The following CCSER1 variants were observed in gnomAD, a reference collection of about 807,000 sequenced individuals.
The protein encoded by CCSER1 is serine-rich coiled-coil domain-containing protein 1.
CCSER1 carries 41 observed loss-of-function variants against 82.0 expected under a neutral mutation model. The observed-to-expected ratio is 0.50, with a 90% CI of 0.39 to 0.65. The LOEUF (loss-of-function observed/expected upper bound fraction) is 0.65. CCSER1 is among the 30% of genes least tolerant of loss of function. The probability of loss-of-function intolerance (pLI) is 0.00; values close to 1 mark genes in which losing one functional copy is unlikely to be tolerated. For missense variants in CCSER1, 1,119 were observed against 1,064.2 expected, an observed-to-expected ratio of 1.05 and a Z score of -0.72; for synonymous variants, 414 against 383.9, an observed-to-expected ratio of 1.08 and a Z score of -0.92.
At chr4:90,953,360 A>G (rs1733115012) in intron 9 of CCSER1, among the ~76,000 whole-genome samples, 1 of 151,742 alleles carries the variant, frequency 6.6e-6, no homozygotes, top group South Asian at 2.1e-4. Context: ...TTATTTTAAC[A>G]AACATAAATT....
At chr4:91,043,329 C>T (rs575000763) in intron 9 of CCSER1, among the ~76,000 whole-genome samples, 3 of 152,018 alleles carry the variant, frequency 2.0e-5, no homozygotes, top group Non-Finnish European at 4.4e-5. Context: ...AAGTGAAAAA[C>T]TCTCCTCCTA....
chr4:90,850,140 T>G (rs1763694580), intron 8 of CCSER1, among the ~76,000 whole-genome samples: 2 of 152,222 alleles, frequency 1.3e-5, no homozygotes, highest in African/African-American at 4.8e-5. Flanking sequence ...CTTCACATAG[T>G]GTTGGGCCTG....
At chr4:90,128,518 C>T (rs79683700) in intron 1 of CCSER1, among the ~76,000 whole-genome samples, 123 of 102,964 alleles carry the variant, frequency 1.2e-3, no homozygotes, top group African/African-American at 1.4e-3. Context: ...TGTGTGTGTG[C>T]GCGCGCGCGC....
chr4:91,001,742 A>T (rs569130032), intron 9 of CCSER1, among the ~76,000 whole-genome samples: 2 of 152,108 alleles, frequency 1.3e-5, no homozygotes, highest in Non-Finnish European at 2.9e-5. Flanking sequence ...GAGCATTTAG[A>T]CCGTTTACAT....
At chr4:90,472,023 A>G (rs1050334396) in intron 5 of CCSER1, among the ~76,000 whole-genome samples, 16 of 152,096 alleles carry the variant, frequency 1.1e-4, no homozygotes, top group Non-Finnish European at 2.4e-4. Flanking sequence ...CCAATATAAT[A>G]CTAATGCTGA....
chr4:91,360,920 T>G (rs1023297969), intron 10 of CCSER1, among the ~76,000 whole-genome samples: 2 of 151,822 alleles, frequency 1.3e-5, no homozygotes, highest in Non-Finnish European at 2.9e-5. Context: ...ATTTTGAATA[T>G]GCCAGGAAGA....
intron 9 of CCSER1, among the ~76,000 whole-genome samples, chr4:91,015,894 T>A (rs1412006364): frequency 1.3e-5 from 2 of 151,988 alleles, no homozygotes; most frequent in African/African-American, 4.8e-5. Context: ...TTAGAACTAT[T>A]AAATATAAAA....
At chr4:91,162,170 C>A (rs1031857820) in intron 10 of CCSER1, among the ~76,000 whole-genome samples, 1 of 152,090 alleles carries the variant, frequency 6.6e-6, no homozygotes, top group South Asian at 2.1e-4. Context: ...AAGGCCTTTT[C>A]TGCATCTACT....
intron 8 of CCSER1, among the ~76,000 whole-genome samples, chr4:90,897,885 A>G (rs901627284): frequency 1.3e-5 from 2 of 152,000 alleles, no homozygotes; most frequent in Admixed American, 6.6e-5. Context: ...AGGTTTTTTC[A>G]TATGTTTGTT....
intron 4 of CCSER1, among the ~76,000 whole-genome samples, chr4:90,463,793 A>G (rs1763269383): frequency 6.6e-6 from 1 of 152,042 alleles, no homozygotes; most frequent in South Asian, 2.1e-4. Context: ...ACTTATAACT[A>G]CTCTAGGCAC....
At chr4:91,054,430 G>A (rs374266446) in intron 9 of CCSER1, among the ~76,000 whole-genome samples, 65 of 151,706 alleles carry the variant, frequency 4.3e-4, no homozygotes, top group African/African-American at 1.4e-3. Context: ...ATATCCTCTT[G>A]GTTTATTGAG....
chr4:90,483,021 G>C (rs1272546056), intron 5 of CCSER1, among the ~76,000 whole-genome samples: 1 of 152,060 alleles, frequency 6.6e-6, no homozygotes, highest in African/African-American at 2.4e-5. Context: ...CACTTTGTAG[G>C]TCACTAAGTA....
At chr4:91,272,952 G>T (rs1049708671) in intron 10 of CCSER1, among the ~76,000 whole-genome samples, 4 of 151,994 alleles carry the variant, frequency 2.6e-5, no homozygotes, top group African/African-American at 9.7e-5. Context: ...CCTTCCATCT[G>T]TGTGCCTATT....
intron 10 of CCSER1, among the ~76,000 whole-genome samples, chr4:91,296,467 GTATATATA>G (rs1179567431): frequency 8.0e-5 from 5 of 62,394 alleles, no homozygotes; most frequent in Non-Finnish European, 1.4e-4. Context: ...ATATATATAT[GTATATATA>G]TATATATATA....
chr4:90,709,506 G>T (rs1170685547), intron 6 of CCSER1, among the ~76,000 whole-genome samples: 1 of 151,886 alleles, frequency 6.6e-6, no homozygotes, highest in African/African-American at 2.4e-5. Flanking sequence ...CATCATTTAG[G>T]TCCCACTTAA....
chr4:90,239,702 C>T (rs946536555), intron 1 of CCSER1, among the ~76,000 whole-genome samples: 12 of 151,962 alleles, frequency 7.9e-5, no homozygotes, highest in East Asian at 1.9e-4. Context: ...TAATCTCGAA[C>T]GCCTGGTCTC....
At chr4:91,469,520 T>C (rs1401270985) in intron 10 of CCSER1, among the ~76,000 whole-genome samples, 2 of 152,192 alleles carry the variant, frequency 1.3e-5, no homozygotes, top group Non-Finnish European at 2.9e-5. Context: ...TTCCCCCTGT[T>C]ATCCTTCACA....
intron 1 of CCSER1, among the ~76,000 whole-genome samples, chr4:90,284,655 G>A (rs553637265): frequency 1.3e-5 from 2 of 151,388 alleles, no homozygotes; most frequent in East Asian, 4.0e-4. Context: ...CACCATGCCT[G>A]CCTAATTTTT....
chr4:91,219,234 T>C (rs566864668), intron 10 of CCSER1, among the ~76,000 whole-genome samples: 1 of 150,958 alleles, frequency 6.6e-6, no homozygotes, highest in East Asian at 2.0e-4. Flanking sequence ...ATGTGTCCAA[T>C]CTCACAGATG....
Sources: gnomAD v4.1 joint callset for allele counts (sites outside exome capture counted in the v4.1 genomes callset) on GRCh38, gnomAD v4.1.1 for gene constraint, MANE v1.5 for transcripts, NCBI Gene and HGNC (gene_info 2026-07-23, HGNC 2026-07-21) for gene names.